The following SMARCA1 variants were observed in gnomAD, a reference collection of about 807,000 sequenced individuals.
SMARCA1 encodes SWI/SNF-related matrix-associated actin-dependent regulator of chromatin subfamily A member 1.
Under a neutral mutation model 93.6 loss-of-function variants are expected in SMARCA1, and 17 were observed. The ratio of observed to expected loss-of-function variants is 0.18; its 90% confidence interval spans 0.12 to 0.27. SMARCA1 has a LOEUF of 0.27. Among genes scored for constraint, SMARCA1 ranks in the 10% least tolerant of loss-of-function variants. The probability of loss-of-function intolerance (pLI) is 1.00; values close to 1 mark genes in which losing one functional copy is unlikely to be tolerated. For synonymous variants in SMARCA1, 271 were observed against 271.4 expected, an observed-to-expected ratio of 1.00 and a Z score of 0.01; for missense variants, 630 against 819.0, an observed-to-expected ratio of 0.77 and a Z score of 2.82.
chrX:129,463,321 A>C (rs1298361129), intron 23 of SMARCA1, among the ~76,000 whole-genome samples: 1 of 111,827 alleles, frequency 8.9e-6, no homozygotes, highest in East Asian at 2.8e-4. Flanking sequence ...TTCTCTGCTA[A>C]ACATAGTCAT....
chrX:129,523,112 C>A, intron 1 of SMARCA1, 85 bp downstream of exon 1: 1 of 1,048,731 alleles, frequency 9.5e-7, no homozygotes, highest in Non-Finnish European at 1.3e-6. Context: ...GGGTACCTGT[C>A]GGCGCCGAAA....
chrX:129,523,487 C>T lies in SMARCA1; in HGVS notation c.-117G>A. 1.8e-6 allele frequency: 1 copy of T among 556,150 alleles called. No individual in the cohort carries two copies. The highest frequency in any genetic ancestry group is 2.7e-6 in the Non-Finnish European group (1 of 369,754). The allele number at this position is 556,150 out of a possible 1,213,427, so 45.8% of individuals were successfully genotyped here. A position where few individuals can be genotyped will look rare whatever the true frequency, so the allele number is the denominator to read the frequency against. The stretch of plus-strand genomic sequence containing the variant: ...CAGGGGTGGGGAATCACTCCGCTTC[C>T]AACCCCTTCGCTCAGGCCCCCCCTT... On this transcript the variant is annotated 5_prime_UTR_variant, in exon 1 of 25. Coordinates refer to ENST00000371121, the MANE Select transcript of SMARCA1 (RefSeq NM_001282874.2).
chrX:129,488,266 A>G (rs113815556), intron 16 of SMARCA1, among the ~76,000 whole-genome samples: 2,541 of 98,930 alleles, frequency 0.026, 104 homozygotes, highest in African/African-American at 0.089. Context: ...ATGTATCAGT[A>G]GATGATTTCT....
chrX:129,519,050 TG>T (rs907745039), intron 1 of SMARCA1, among the ~76,000 whole-genome samples: 3 of 112,176 alleles, frequency 2.7e-5, no homozygotes, highest in African/African-American at 9.7e-5. Flanking sequence ...TTTCTCTAAC[TG>T]GGAAGAAAAC....
At chrX:129,501,210 G>A (rs1253837898) in intron 9 of SMARCA1, among the ~76,000 whole-genome samples, 1 of 112,016 alleles carries the variant, frequency 8.9e-6, no homozygotes, top group African/African-American at 3.2e-5. Context: ...ACTAGCTGTT[G>A]TGAGCCTAGG....
At chrX:129,491,333 T>C (rs1018968235) in intron 14 of SMARCA1, among the ~76,000 whole-genome samples, 4 of 111,671 alleles carry the variant, frequency 3.6e-5, no homozygotes, top group Non-Finnish European at 7.5e-5. Flanking sequence ...GTAGCTCTAG[T>C]TCAATAAATG....
At chrX:129,450,461 A>G (rs1042342691) in intron 23 of SMARCA1, among the ~76,000 whole-genome samples, 2 of 112,330 alleles carry the variant, frequency 1.8e-5, no homozygotes, top group Non-Finnish European at 3.8e-5. Context: ...GCTGACTAAT[A>G]CACTACCTTT....
At chrX:129,468,735 G>A (rs1239688394) in intron 21 of SMARCA1, 38 bp downstream of exon 21, 9 of 1,044,422 alleles carry the variant, frequency 8.6e-6, no homozygotes, top group Non-Finnish European at 9.1e-6. Flanking sequence ...AATGAATAAC[G>A]TTAAAATACA....
chrX:129,448,291 A>G (rs1932106355), intron 24 of SMARCA1, 42 bp downstream of exon 24: 1 of 1,165,187 alleles, frequency 8.6e-7, no homozygotes, highest in Non-Finnish European at 1.2e-6. Context: ...ATGTAAAAAA[A>G]TGGGATCTAC....
chrX:129,480,094 G>A (rs1386581939), intron 19 of SMARCA1, among the ~76,000 whole-genome samples: 2 of 112,170 alleles, frequency 1.8e-5, no homozygotes, highest in African/African-American at 3.2e-5. Flanking sequence ...AAATTACCTG[G>A]TATGCTTACT....
At chrX:129,502,712 T>C (rs1003196052) in intron 9 of SMARCA1, among the ~76,000 whole-genome samples, 13 of 111,440 alleles carry the variant, frequency 1.2e-4, no homozygotes, top group Admixed American at 9.6e-4. Context: ...GAGCACTGTT[T>C]TGCATATGTG....
intron 19 of SMARCA1, among the ~76,000 whole-genome samples, chrX:129,473,874 AG>A (rs1252103752): frequency 3.6e-5 from 4 of 111,894 alleles, no homozygotes; most frequent in Non-Finnish European, 1.9e-5. Context: ...GAGGAGTTCG[AG>A]TTACATAAGT....
At chrX:129,517,280 T>C (rs1935238375) in intron 2 of SMARCA1, among the ~76,000 whole-genome samples, 1 of 110,938 alleles carries the variant, frequency 9.0e-6, no homozygotes, top group Non-Finnish European at 1.9e-5. Context: ...AATAAAACTT[T>C]GTTTCACTAA....
chrX:129,458,627 T>C (rs149278027), intron 23 of SMARCA1, among the ~76,000 whole-genome samples: 167 of 112,369 alleles, frequency 1.5e-3, no homozygotes, highest in Non-Finnish European at 2.6e-3. Context: ...AAAGCATCAG[T>C]AGACTTGAAG....
chrX:129,465,771 G>T, intron 22 of SMARCA1, 39 bp from the exon 23 acceptor site: 1 of 1,052,747 alleles, frequency 9.5e-7, no homozygotes. Flanking sequence ...AATTGAATGT[G>T]CAGTAAGAAG....
At chrX:129,494,535 A>G (rs1017137199) in intron 12 of SMARCA1, among the ~76,000 whole-genome samples, 1 of 111,567 alleles carries the variant, frequency 9.0e-6, no homozygotes, top group African/African-American at 3.3e-5. Flanking sequence ...AGGCTTCAAT[A>G]AGGAGGCACA....
At chrX:129,485,661 G>A (rs1933857819) in intron 17 of SMARCA1, among the ~76,000 whole-genome samples, 1 of 111,559 alleles carries the variant, frequency 9.0e-6, no homozygotes, top group Non-Finnish European at 1.9e-5. Context: ...GTTGGAGGTG[G>A]GGCCCAATAG....
intron 13 of SMARCA1, 23 bp from the exon 14 acceptor site, chrX:129,492,116 G>A: frequency 1.0e-6 from 1 of 1,001,063 alleles, no homozygotes; most frequent in African/African-American, 1.9e-5. Flanking sequence ...TTGATAAAGG[G>A]ATAGAAGAAA....
intron 15 of SMARCA1, among the ~76,000 whole-genome samples, chrX:129,489,537 G>T (rs187425056): frequency 8.9e-6 from 1 of 112,357 alleles, no homozygotes; most frequent in East Asian, 2.8e-4. Context: ...ATTTCAATTA[G>T]CATTTTTTGT....
Sources: gnomAD v4.1 joint callset for allele counts (sites outside exome capture counted in the v4.1 genomes callset) on GRCh38, gnomAD v4.1.1 for gene constraint, MANE v1.5 for transcripts, NCBI Gene and HGNC (gene_info 2026-07-23, HGNC 2026-07-21) for gene names.